UMOD: variants seen among roughly 807,000 people sequenced by gnomAD.
UMOD encodes the protein uromodulin, also known as Tamm-Horsfall urinary glycoprotein.
Under a neutral mutation model 66.0 loss-of-function variants are expected in UMOD, and 64 were observed. That is an observed-to-expected ratio of 0.97 (90% CI 0.79 to 1.19). The LOEUF (loss-of-function observed/expected upper bound fraction) is 1.19. Ranked by LOEUF, UMOD falls within the 50% of genes most tolerant of loss-of-function variation. UMOD has a pLI of 0.00. For synonymous variants in UMOD, 398 were observed against 352.7 expected (o/e 1.13, Z -1.44); for missense variants, 764 against 850.9 (o/e 0.90, Z 1.27).
upstream of UMOD, among the ~76,000 whole-genome samples, chr16:20,353,076 G>T (rs967903272): frequency 6.6e-6 from 1 of 152,136 alleles, no homozygotes; most frequent in African/African-American, 2.4e-5. Flanking sequence ...AAGGAGCCAG[G>T]CAGAAGCCAG....
upstream of UMOD, among the ~76,000 whole-genome samples, chr16:20,353,964 C>T (rs571094252): frequency 1.8e-3 from 268 of 152,266 alleles, no homozygotes; most frequent in African/African-American, 6.0e-3. Flanking sequence ...TGTCCAAGTG[C>T]TCTCATTGTT....
chr16:20,353,930 C>T (rs1965987448), upstream of UMOD, among the ~76,000 whole-genome samples: 1 of 152,188 alleles, frequency 6.6e-6, no homozygotes, highest in Non-Finnish European at 1.5e-5. Context: ...CAATAGGCCC[C>T]TGGGTGTGAT....
At position 20,341,079 on chromosome 16, in the gene UMOD, C is replaced by A. The variant is rs1464066017; in HGVS notation, c.1577+12G>T. 1.2e-5 allele frequency: 19 copies of A among 1,613,084 alleles called. No homozygotes were observed. The highest frequency in any genetic ancestry group is 2.7e-5 in the African/African-American group (2 of 74,788). ...CTACCCATGAGTTCCCATGTAGGAA[C>A]CTTTGCCTTACCTGTCCTGGATGAT... On this transcript the variant is annotated intron_variant, in intron 7 of 10. Coordinates refer to ENST00000396138, the MANE Select transcript of UMOD (RefSeq NM_003361.4).
upstream of UMOD, among the ~76,000 whole-genome samples, chr16:20,353,821 T>TA (rs1352278661): frequency 2.6e-5 from 4 of 152,180 alleles, no homozygotes; most frequent in African/African-American, 9.7e-5. Context: ...GTTTGTTACA[T>TA]ATGTATACAT....
intron 10 of UMOD, among the ~76,000 whole-genome samples, 167 bp from the exon 11 acceptor site, chr16:20,333,542 G>A (rs78038006): frequency 2.0e-5 from 3 of 152,292 alleles, no homozygotes; most frequent in Middle Eastern, 3.4e-3. Flanking sequence ...AAGGTGGACC[G>A]ATTTGAAAAA....
At chr16:20,339,157 C>T (rs973687867) in intron 7 of UMOD, among the ~76,000 whole-genome samples, 4 of 152,340 alleles carry the variant, frequency 2.6e-5, no homozygotes, top group Admixed American at 6.5e-5. Context: ...ATGAGCTAAC[C>T]TGTTTCTTAA....
At chr16:20,351,236 T>C in intron 1 of UMOD, 1 of 221,846 alleles carries the variant, frequency 4.5e-6, no homozygotes, top group Non-Finnish European at 9.1e-6. Context: ...GTAGCTACAT[T>C]GTGCCAAACA....
chr16:20,352,307 A>C (rs1781713933), intron 1 of UMOD, among the ~76,000 whole-genome samples: 2 of 152,120 alleles, frequency 1.3e-5, no homozygotes, highest in Admixed American at 1.3e-4. Flanking sequence ...AACCCACAAA[A>C]GGAATGATTT....
At position 20,333,388 on chromosome 16, in the gene UMOD, CAG is replaced by C; in HGVS notation, c.1862-15_1862-14del. 2 of 1,609,788 alleles carry C rather than the reference CAG, an allele frequency of 1.2e-6. No homozygotes were observed. The highest frequency in any genetic ancestry group is 1.7e-6 in the Non-Finnish European group (2 of 1,177,920). ...ACTTTCAGGAGCCCTGAAAAGAAAA[CAG>C]TGACAGGGCAACTGCTAGTACTGCT... On this transcript the variant is annotated splice_polypyrimidine_tract_variant and intron_variant, in intron 10 of 10. Transcript: ENST00000396138.
intron 6 of UMOD, among the ~76,000 whole-genome samples, chr16:20,343,323 C>G (rs1965349622): frequency 6.6e-6 from 1 of 152,186 alleles, no homozygotes; most frequent in South Asian, 2.1e-4. Flanking sequence ...TGTAGGCACT[C>G]TGCCAGGGCA....
At chr16:20,343,207 T>C (rs191307711) in intron 6 of UMOD, among the ~76,000 whole-genome samples, 379 of 152,154 alleles carry the variant, frequency 2.5e-3, no homozygotes, top group African/African-American at 8.5e-3. Flanking sequence ...ATCATTGGCC[T>C]GTGATTCATC....
At chr16:20,334,457 A>T (rs1477597704) in intron 10 of UMOD, among the ~76,000 whole-genome samples, 2 of 152,118 alleles carry the variant, frequency 1.3e-5, no homozygotes, top group East Asian at 3.9e-4. Flanking sequence ...CATGCAGACA[A>T]TTGCAGCTTT....
chr16:20,333,052 G>T lies in UMOD; in HGVS notation c.*262C>A. 1 of 465,146 alleles carries T rather than the reference G, an allele frequency of 2.1e-6. No homozygotes were observed. The highest frequency in any genetic ancestry group is 4.3e-5 in the East Asian group (1 of 23,420). 28.8% of individuals were successfully genotyped at this position (465,146 alleles called of 1,614,324 possible). A position where few individuals can be genotyped will look rare whatever the true frequency, so the allele number is the denominator to read the frequency against. On this transcript the variant is annotated 3_prime_UTR_variant, in exon 11 of 11. Coordinates refer to ENST00000396138, the MANE Select transcript of UMOD (RefSeq NM_003361.4). ...GAATGAATGGATGACTTCAAAGACT[G>T]AGATTTAAAAATCATTATTTTGCCA...
Position 20,352,706 on chromosome 16 carries a change from G to A in UMOD, c.-120C>T. On this transcript the variant is annotated 5_prime_UTR_variant, in exon 1 of 11. Coordinates refer to ENST00000396138, the MANE Select transcript of UMOD (RefSeq NM_003361.4). ...AGCCTTACCTGAAGCCAGAAAGGTA[G>A]AGTTAGTCTGGTCATGATGTGCCTC... 1 of 1,231,698 alleles carries A rather than the reference G, an allele frequency of 8.1e-7. No individual in the cohort carries two copies. The highest frequency in any genetic ancestry group is 1.0e-6 in the Non-Finnish European group (1 of 987,976). 76.3% of individuals were successfully genotyped at this position (1,231,698 alleles called of 1,614,324 possible).
At chr16:20,355,990 T>C (rs553797092), upstream of UMOD, among the ~76,000 whole-genome samples, 3 of 152,282 alleles carry the variant, frequency 2.0e-5, no homozygotes, top group East Asian at 3.9e-4. Context: ...GAACATTCCA[T>C]GCTCAGCCAT....
In UMOD at chr16:20,337,338, G is replaced by A. The variant is rs1126652; in HGVS notation, c.1693C>T (p.His565Tyr). ...FAGNYDLVYL[H>Y]CEVYLCDTMN... ...GTGTCACAGAGATAGACTTCACAGT[G>A]CAGGTAGACTAGGTCATAGTTTCCA... is the stretch of plus-strand genomic sequence containing the variant. The change falls in exon 8 of 11, where the codon CAC (histidine) becomes TAC (tyrosine). Residue 565 changes from histidine to tyrosine, a missense_variant. By Grantham distance (83) the His-to-Tyr change is moderately conservative. Coordinates refer to ENST00000396138, the MANE Select transcript of UMOD (RefSeq NM_003361.4). 6.2e-7 allele frequency: 1 copy of A among 1,614,236 alleles called. No homozygotes were observed.
At chr16:20,338,049 C>A (rs1283200324) in intron 7 of UMOD, among the ~76,000 whole-genome samples, 1 of 152,140 alleles carries the variant, frequency 6.6e-6, no homozygotes, top group Non-Finnish European at 1.5e-5. Flanking sequence ...CTCTGCCATT[C>A]CGCACTCTTT....
At chr16:20,340,472 G>GTATA (rs10533543) in intron 7 of UMOD, among the ~76,000 whole-genome samples, 1,949 of 112,488 alleles carry the variant, frequency 0.017, 31 homozygotes, top group African/African-American at 0.065. Context: ...GTGTGTGTGT[G>GTATA]TATATATATA....
At chr16:20,345,502 C>CCCTCCCTCCCTCCCTTCCTCCCTT (rs1338369108) in intron 5 of UMOD, among the ~76,000 whole-genome samples, 1 of 53,002 alleles carries the variant, frequency 1.9e-5, no homozygotes, top group African/African-American at 8.2e-5. Flanking sequence ...CTCCCTCCCT[C>CCCTCCCTCCCTCCCTTCCTCCCTT]CCTTCCTTCC....
Sources: gnomAD v4.1 joint callset for allele counts (sites outside exome capture counted in the v4.1 genomes callset) on GRCh38, gnomAD v4.1.1 for gene constraint, MANE v1.5 for transcripts, NCBI Gene and HGNC (gene_info 2026-07-23, HGNC 2026-07-21) for gene names.